The following CAMKMT variants were observed in gnomAD, a reference collection of about 807,000 sequenced individuals.
CAMKMT encodes CaM KMT.
In CAMKMT, 53 loss-of-function variants were observed where a neutral mutation model predicts 48.0. That is an observed-to-expected ratio of 1.10 (90% CI 0.89 to 1.39). The LOEUF is 1.39. CAMKMT is among the 40% of genes most tolerant of loss of function. The probability of loss-of-function intolerance (pLI) is 0.00; values close to 1 mark genes in which losing one functional copy is unlikely to be tolerated. For missense variants in CAMKMT, 428 were observed against 402.7 expected (o/e 1.06, Z -0.54); for synonymous variants, 165 against 152.3 (o/e 1.08, Z -0.61).
chr2:44,484,937 A>G (rs548463335), intron 3 of CAMKMT, among the ~76,000 whole-genome samples: 64 of 152,296 alleles, frequency 4.2e-4, no homozygotes, highest in Middle Eastern at 3.4e-3. Context: ...CACGAACAGT[A>G]TATCCAAATG....
chr2:44,757,612 G>A (rs1680436239), intron 9 of CAMKMT, among the ~76,000 whole-genome samples: 1 of 149,750 alleles, frequency 6.7e-6, no homozygotes. Flanking sequence ...CACCCAGGCT[G>A]GAGTGCAGTG....
At chr2:44,731,488 A>G (rs1679077463) in intron 7 of CAMKMT, among the ~76,000 whole-genome samples, 1 of 152,352 alleles carries the variant, frequency 6.6e-6, no homozygotes, top group African/African-American at 2.4e-5. Flanking sequence ...GATCACTGCA[A>G]TGAAATACAA....
chr2:44,766,557 C>G lies in CAMKMT; in HGVS notation c.890C>G (p.Ser297Cys). 1 of 1,613,790 alleles carries G rather than the reference C, an allele frequency of 6.2e-7. No individual in the cohort carries two copies. Among genetic ancestry groups the G allele is most frequent in the Non-Finnish European group, 8.5e-7 (1 of 1,179,988 alleles). ...GATGAACACATTTCAAACTTCCACTCCAAGGTTAGTTTTCTGCTTGTGTTA... is the reference window on the plus strand; with the variant it reads ...GATGAACACATTTCAAACTTCCACTGCAAGGTTAGTTTTCTGCTTGTGTTA... Reference protein sequence around the residue: ...NYDEHISNFHSKLKKENPDIY... With the variant: ...NYDEHISNFHCKLKKENPDIY... Residue 297 changes from serine to cysteine, a missense_variant, in exon 10 of 11, where the codon TCC becomes TGC. Physicochemically the swap from Ser to Cys is moderately radical, Grantham distance 112. Transcript: ENST00000378494.
intron 3 of CAMKMT, among the ~76,000 whole-genome samples, chr2:44,410,948 C>T (rs943529434): frequency 4.6e-5 from 7 of 152,068 alleles, no homozygotes; most frequent in Non-Finnish European, 1.0e-4. Context: ...ATTGATAGTT[C>T]TAAAGTAATA....
intron 3 of CAMKMT, among the ~76,000 whole-genome samples, chr2:44,429,807 CAAAAAA>C (rs1168195679): frequency 4.6e-5 from 3 of 64,738 alleles, no homozygotes; most frequent in African/African-American, 1.4e-4. Context: ...GACTCCGTCT[CAAAAAA>C]AAAAAAAAAA....
chr2:44,379,702 G>A (rs886222419), intron 2 of CAMKMT, among the ~76,000 whole-genome samples: 8 of 151,086 alleles, frequency 5.3e-5, no homozygotes, highest in African/African-American at 1.5e-4. Flanking sequence ...GTGCTTATTG[G>A]CCATTTGTAT....
Position 44,400,928 on chromosome 2 carries a change from GTGTATATATATATATA to G in CAMKMT, c.376+10625_376+10640del, listed in dbSNP as rs200190945. 6 of 74,116 alleles carry G rather than the reference GTGTATATATATATATA, an allele frequency of 8.1e-5. No homozygotes were observed. The South Asian group carries it at 1.5e-3, about 18-fold the overall frequency. The allele number at this position is 74,116 out of a possible 1,614,324, so 4.6% of individuals were successfully genotyped here. Reference sequence around the variant, plus strand: ...TGTATGTGCATGTATACTTATGTGTGTGTATATATATATATATATATATATATATATATGTATGTAC... The same window carrying G: ...TGTATGTGCATGTATACTTATGTGTGTATATATATATATATATGTATGTAC... On this transcript the variant is annotated intron_variant, in intron 3 of 10. Transcript: ENST00000378494.
At chr2:44,400,131 A>G (rs1180310523) in intron 3 of CAMKMT, among the ~76,000 whole-genome samples, 2 of 152,204 alleles carry the variant, frequency 1.3e-5, no homozygotes. Context: ...ACACAAGTGT[A>G]TTTATATTTG....
chr2:44,508,460 T>C (rs1670370623), intron 3 of CAMKMT, among the ~76,000 whole-genome samples: 1 of 152,140 alleles, frequency 6.6e-6, no homozygotes, highest in South Asian at 2.1e-4. Context: ...TGTTTAAAAA[T>C]TCCGAGCTTT....
intron 3 of CAMKMT, among the ~76,000 whole-genome samples, chr2:44,443,662 A>G (rs1474684128): frequency 6.6e-6 from 1 of 152,182 alleles, no homozygotes; most frequent in African/African-American, 2.4e-5. Context: ...ATAAAGGTTG[A>G]TCATGCAGGG....
chr2:44,760,706 T>C (rs1680583351), intron 9 of CAMKMT, among the ~76,000 whole-genome samples: 1 of 151,948 alleles, frequency 6.6e-6, no homozygotes, highest in Admixed American at 6.5e-5. Context: ...CATTGAAAGT[T>C]TTTGAGCAGT....
At chr2:44,441,377 C>T (rs1286743581) in intron 3 of CAMKMT, among the ~76,000 whole-genome samples, 4 of 152,144 alleles carry the variant, frequency 2.6e-5, no homozygotes, top group Admixed American at 6.5e-5. Flanking sequence ...TACAGGTTCA[C>T]AGTGATGACT....
At chr2:44,406,410 T>C (rs1348441088) in intron 3 of CAMKMT, among the ~76,000 whole-genome samples, 2 of 152,192 alleles carry the variant, frequency 1.3e-5, no homozygotes, top group African/African-American at 4.8e-5. Flanking sequence ...CCTATTCAGA[T>C]ACTTACAGAT....
At chr2:44,389,974 T>C (rs983540123) in intron 2 of CAMKMT, among the ~76,000 whole-genome samples, 1 of 152,208 alleles carries the variant, frequency 6.6e-6, no homozygotes, top group Non-Finnish European at 1.5e-5. Context: ...CTTTACATAA[T>C]GAAAACCCAA....
At chr2:44,492,811 A>T (rs1572642473) in intron 3 of CAMKMT, among the ~76,000 whole-genome samples, 1 of 151,852 alleles carries the variant, frequency 6.6e-6, no homozygotes, top group Non-Finnish European at 1.5e-5. Flanking sequence ...TACTTTAAGG[A>T]TTTACTGTAG....
intron 6 of CAMKMT, among the ~76,000 whole-genome samples, chr2:44,710,966 T>C (rs1291288860): frequency 6.6e-6 from 1 of 152,200 alleles, no homozygotes; most frequent in East Asian, 1.9e-4. Flanking sequence ...TGGATCATGA[T>C]CTTGAACTTA....
intron 3 of CAMKMT, among the ~76,000 whole-genome samples, chr2:44,552,493 A>C (rs1205042447): frequency 6.6e-6 from 1 of 152,172 alleles, no homozygotes; most frequent in Non-Finnish European, 1.5e-5. Flanking sequence ...AAATCCTGGA[A>C]TCTTATGCAG....
intron 3 of CAMKMT, among the ~76,000 whole-genome samples, chr2:44,599,703 A>G (rs1480920285): frequency 2.0e-5 from 3 of 152,012 alleles, no homozygotes; most frequent in African/African-American, 7.3e-5. Context: ...AGATTCCACA[A>G]ACATTTTTAG....
At chr2:44,693,651 C>T (rs921355836) in intron 3 of CAMKMT, among the ~76,000 whole-genome samples, 2 of 152,182 alleles carry the variant, frequency 1.3e-5, no homozygotes, top group Non-Finnish European at 2.9e-5. Context: ...TTCTGTAGTC[C>T]TCTTGTGGAT....
Sources: gnomAD v4.1 joint callset for allele counts (sites outside exome capture counted in the v4.1 genomes callset) on GRCh38, gnomAD v4.1.1 for gene constraint, MANE v1.5 for transcripts, NCBI Gene and HGNC (gene_info 2026-07-23, HGNC 2026-07-21) for gene names.